The following LINGO2 variants were observed in gnomAD, a reference collection of about 807,000 sequenced individuals.
LINGO2 encodes leucine-rich repeat and immunoglobulin-like domain-containing nogo receptor-interacting protein 2.
LINGO2 carries 14 observed loss-of-function variants against 30.6 expected under a neutral mutation model. That is an observed-to-expected ratio of 0.46 (90% CI 0.30 to 0.72). LINGO2 has a LOEUF of 0.72. Among genes scored for constraint, LINGO2 ranks in the 30% least tolerant of loss-of-function variants. The pLI is 0.07. For missense variants in LINGO2, 729 were observed against 751.7 expected (o/e 0.97, Z 0.35); for synonymous variants, 317 against 288.5 (o/e 1.10, Z -1.00).
chr9:28,623,739 T>C (rs954312980), intron 1 of LINGO2, among the ~76,000 whole-genome samples: 1 of 152,038 alleles, frequency 6.6e-6, no homozygotes, highest in Non-Finnish European at 1.5e-5. Context: ...AAGAATGTCA[T>C]TGGTATTTTG....
At chr9:28,184,963 CAAA>C (rs200518473) in intron 4 of LINGO2, among the ~76,000 whole-genome samples, 11 of 150,964 alleles carry the variant, frequency 7.3e-5, no homozygotes, top group Admixed American at 7.3e-4. Flanking sequence ...CAAAACAAAA[CAAA>C]AAAAAATCTT....
intron 1 of LINGO2, among the ~76,000 whole-genome samples, chr9:28,582,971 C>A (rs1192453657): frequency 6.6e-6 from 1 of 151,670 alleles, no homozygotes; most frequent in Non-Finnish European, 1.5e-5. Flanking sequence ...TATGTGTATA[C>A]ACAAATTATA....
the LINGO2 span, among the ~76,000 whole-genome samples, chr9:28,868,475 T>C: frequency 2.0e-5 from 3 of 152,122 alleles, no homozygotes; most frequent in East Asian, 1.9e-4. Context: ...TGCTTCAAGA[T>C]TGATGCCTTT....
At chr9:28,444,370 A>C (rs147841657) in intron 2 of LINGO2, among the ~76,000 whole-genome samples, 2 of 152,342 alleles carry the variant, frequency 1.3e-5, no homozygotes, top group African/African-American at 4.8e-5. Context: ...CTGGGTGGCC[A>C]TGCCATGCAA....
At chr9:28,233,037 T>TATAC (rs1564062866) in intron 4 of LINGO2, among the ~76,000 whole-genome samples, 1 of 100,486 alleles carries the variant, frequency 1.0e-5, no homozygotes, top group Non-Finnish European at 1.9e-5. Flanking sequence ...ACATTATATA[T>TATAC]ATATATATAT....
intron 1 of LINGO2, among the ~76,000 whole-genome samples, chr9:28,600,433 T>C (rs1445308377): frequency 1.3e-5 from 2 of 152,114 alleles, no homozygotes; most frequent in Non-Finnish European, 2.9e-5. Flanking sequence ...CAATACTCTT[T>C]TCCTAGAAAA....
intron 2 of LINGO2, among the ~76,000 whole-genome samples, chr9:28,404,035 C>A (rs1301689651): frequency 1.3e-5 from 2 of 152,028 alleles, no homozygotes; most frequent in East Asian, 1.9e-4. Flanking sequence ...ACAACCTGAC[C>A]CAATAAGCCA....
chr9:28,482,546 T>C (rs933907464), intron 1 of LINGO2, among the ~76,000 whole-genome samples: 1 of 152,154 alleles, frequency 6.6e-6, no homozygotes, highest in Non-Finnish European at 1.5e-5. Flanking sequence ...ATGAGTAGGT[T>C]GTGAAAATTT....
chr9:28,271,650 T>C (rs978421564), intron 4 of LINGO2, among the ~76,000 whole-genome samples: 1 of 152,182 alleles, frequency 6.6e-6, no homozygotes, highest in Non-Finnish European at 1.5e-5. Context: ...TGGTTTCCAC[T>C]GGGCCAATAA....
chr9:28,360,909 AC>A (rs1489391907), intron 3 of LINGO2, among the ~76,000 whole-genome samples: 3 of 152,278 alleles, frequency 2.0e-5, no homozygotes, highest in African/African-American at 7.2e-5. Flanking sequence ...GGCACAAAAA[AC>A]AACTAGATTT....
At chr9:28,002,679 G>C (rs1822021206) in intron 5 of LINGO2, among the ~76,000 whole-genome samples, 1 of 152,080 alleles carries the variant, frequency 6.6e-6, no homozygotes, top group Non-Finnish European at 1.5e-5. Context: ...TTAAGTACAA[G>C]TCCTTGAATA....
chr9:28,753,984 T>C, the LINGO2 span, among the ~76,000 whole-genome samples: 8,790 of 149,574 alleles, frequency 0.059, 441 homozygotes, highest in South Asian at 0.23. Context: ...CTTTAATTTT[T>C]ATTAAATTAT....
At chr9:28,123,088 C>T (rs138980992) in intron 4 of LINGO2, among the ~76,000 whole-genome samples, 1 of 152,032 alleles carries the variant, frequency 6.6e-6, no homozygotes, top group Admixed American at 6.5e-5. Context: ...CATTCTTGTG[C>T]TTATCTATTT....
In LINGO2 at chr9:28,632,873, TATATATGTAGAGAGAGAGAG is replaced by T. The variant is rs1563879141; in HGVS notation, c.-365+37307_-365+37326del. On this transcript the variant is annotated intron_variant, in intron 1 of 5. Coordinates refer to ENST00000379992, the Ensembl canonical transcript of LINGO2. ...TATATTTTTTATATATATATATATA[TATATATGTAGAGAGAGAGAG>T]AGAGAGAGAGAGAGAGAGAGGAGTT... is the stretch of plus-strand genomic sequence containing the variant. Among the ~76,000 whole-genome samples, 337 of 100,494 alleles carry T rather than the reference TATATATGTAGAGAGAGAGAG, an allele frequency of 3.4e-3. 16 individuals carry two copies. The highest frequency in any genetic ancestry group is 0.022 in the Admixed American group (177 of 8,166). 65.9% of individuals were successfully genotyped at this position (100,494 alleles called of 152,430 possible).
intron 1 of LINGO2, among the ~76,000 whole-genome samples, chr9:28,483,577 C>T (rs1371746728): frequency 6.6e-6 from 1 of 151,518 alleles, no homozygotes; most frequent in Admixed American, 6.6e-5. Flanking sequence ...AGAACTGTAA[C>T]TAGGATGGTA....
intron 2 of LINGO2, among the ~76,000 whole-genome samples, chr9:28,426,580 G>A (rs1823422178): frequency 6.6e-6 from 1 of 152,066 alleles, no homozygotes; most frequent in Admixed American, 6.6e-5. Flanking sequence ...ACTACCAATA[G>A]AAGTTTTTAA....
At chr9:28,262,378 G>A (rs1435470565) in intron 4 of LINGO2, among the ~76,000 whole-genome samples, 7 of 151,838 alleles carry the variant, frequency 4.6e-5, no homozygotes, top group Non-Finnish European at 7.4e-5. Context: ...GAAGAGAAAT[G>A]AGTCAGAATG....
In LINGO2 at chr9:28,442,149, T is replaced by TA. The variant is rs971088649; in HGVS notation, c.-279+33790dup. ...AAAAATTGTTCAGTTTTGCAAATTA[T>TA]AAAAAAAAAGTTTCCTATTTGTCAG... On this transcript the variant is annotated intron_variant, in intron 2 of 5. Coordinates refer to ENST00000379992, the Ensembl canonical transcript of LINGO2. Among the ~76,000 whole-genome samples, 16 of 151,684 alleles carry TA rather than the reference T, an allele frequency of 1.1e-4. No homozygotes were observed. The South Asian group carries it at 2.1e-3, about 20-fold the overall frequency.
the LINGO2 span, among the ~76,000 whole-genome samples, chr9:29,154,063 G>T: frequency 6.6e-6 from 1 of 152,264 alleles, no homozygotes; most frequent in Non-Finnish European, 1.5e-5. Flanking sequence ...AGCAGCTTAA[G>T]AATTTTATAC....
Sources: gnomAD v4.1 joint callset for allele counts (sites outside exome capture counted in the v4.1 genomes callset) on GRCh38, gnomAD v4.1.1 for gene constraint, MANE v1.5 for transcripts, NCBI Gene and HGNC (gene_info 2026-07-23, HGNC 2026-07-21) for gene names.